Variants in TYRO3 observed in about 807,000 individuals in gnomAD.
TYRO3 encodes the protein tyrosine-protein kinase receptor TYRO3.
Under a neutral mutation model 95.2 loss-of-function variants are expected in TYRO3, and 38 were observed. That is an observed-to-expected ratio of 0.40 (90% CI 0.31 to 0.52). The LOEUF is 0.52. Among genes scored for constraint, TYRO3 ranks in the 20% least tolerant of loss-of-function variants. The pLI is 0.56. For synonymous variants in TYRO3, 367 were observed against 432.9 expected (o/e 0.85, Z 1.89); for missense variants, 812 against 1,116.4 (o/e 0.73, Z 3.89).
Position 41,567,504 on chromosome 15 carries a change from G to T in TYRO3, c.928G>T (p.Ala310Ser). The T allele has an allele frequency of 6.3e-7, 1 of 1,591,970 alleles. No individual in the cohort carries two copies. Among genetic ancestry groups the T allele is most frequent in the East Asian group, 2.3e-5 (1 of 42,728 alleles). ...CANALGPSPY[A>S]DWVPFQTKGL... ...CAATGCCTTGGGGCCCTCTCCCTAT[G>T]CTGACTGGGTGCCCTTTCAGACCAA... Residue 310 changes from alanine (A) to serine (S), a missense_variant, in exon 7 of 19, where the codon GCT becomes TCT. Transcript: ENST00000263798.
rs555137583 is a variant in TYRO3 at position 41,578,565 on chromosome 15, A to T, written c.*289A>T. 1.2e-5 allele frequency: 6 copies of T among 483,634 alleles called. No homozygotes were observed. Among genetic ancestry groups the T allele is most frequent in the Non-Finnish European group, 2.2e-5 (6 of 270,938 alleles). 30.0% of individuals were successfully genotyped at this position (483,634 alleles called of 1,614,324 possible). ...GCAGGAGTGGGGTGGTTATGTTTCC[A>T]TGGTTACCATGGGTGTGGATGGCAG... On this transcript the variant is annotated 3_prime_UTR_variant, in exon 19 of 19. Coordinates refer to ENST00000263798, the MANE Select transcript of TYRO3 (RefSeq NM_006293.4).
chr15:41,567,301 C>T (rs17676332), intron 6 of TYRO3, 59 bp from the exon 7 acceptor site: 382,767 of 1,379,364 alleles, frequency 0.28, 56,399 homozygotes, highest in Middle Eastern at 0.34. Context: ...CTATACCCAT[C>T]CCATCTTCCA....
At chr15:41,575,019 C>A (rs973807990) in intron 18 of TYRO3, among the ~76,000 whole-genome samples, 2 of 152,216 alleles carry the variant, frequency 1.3e-5, no homozygotes, top group African/African-American at 4.8e-5. Context: ...ACGCCCAGCC[C>A]AGAGGACCTT....
chr15:41,562,601 C>T lies in TYRO3; in HGVS notation c.463C>T (p.Pro155Ser), dbSNP rs915568452. The T allele has an allele frequency of 1.2e-6, 2 of 1,613,712 alleles. No homozygotes were observed. Among genetic ancestry groups the T allele is most frequent in the Non-Finnish European group, 1.7e-6 (2 of 1,180,052 alleles). Residue 155 changes from proline to serine, a missense_variant, in exon 4 of 19, where the codon CCT becomes TCT. Pro to Ser is a moderately conservative substitution (Grantham distance 74, BLOSUM62 -1). Coordinates refer to ENST00000263798, the MANE Select transcript of TYRO3 (RefSeq NM_006293.4). ...AGATCTGGCAGTGCCACCCAATGCC[C>T]CTTTCCAACTGTCTTGTGAGGCTGT... Reference protein sequence around the residue: ...PKDLAVPPNAPFQLSCEAVGP... With the variant: ...PKDLAVPPNASFQLSCEAVGP...
rs527871271 is a variant in TYRO3 at position 41,581,314 on chromosome 15, C to G, written c.*3038C>G. 1 of 153,686 alleles carries G rather than the reference C, an allele frequency of 6.5e-6. No homozygotes were observed. Among genetic ancestry groups the G allele is most frequent in the South Asian group, 2.1e-4 (1 of 4,820 alleles). The allele number at this position is 153,686 out of a possible 1,614,324, so 9.5% of individuals were successfully genotyped here. ...ACTGGGAGGGCCCACAGGTATTGTG[C>G]TGCTTCTGGCTGAGGGCAGGGGAAT... On this transcript the variant is annotated 3_prime_UTR_variant, in exon 19 of 19. Transcript: ENST00000263798.
chr15:41,571,614 C>A lies in TYRO3; in HGVS notation c.1680C>A (p.Ser560Arg). 2 of 1,613,048 alleles carry A rather than the reference C, an allele frequency of 1.2e-6. No homozygotes were observed. Among genetic ancestry groups the A allele is most frequent in the South Asian group, 1.1e-5 (1 of 91,018 alleles). The change falls in exon 14 of 19, where the codon AGC (serine) becomes AGA (arginine). Residue 560 changes from serine to arginine, a missense_variant. Transcript: ENST00000263798. ...KMLKADIIAS[S>R]DIEEFLREAA... is the part of the protein sequence containing the mutation. ...TCCTAGCTGACATCATTGCCTCAAGCGACATTGAAGAGTTCCTCAGGGAAG... is the reference window on the plus strand; with the variant it reads ...TCCTAGCTGACATCATTGCCTCAAGAGACATTGAAGAGTTCCTCAGGGAAG...
intron 8 of TYRO3, 56 bp downstream of exon 8, chr15:41,568,418 C>G: frequency 6.6e-7 from 1 of 1,526,172 alleles, no homozygotes; most frequent in African/African-American, 1.4e-5. Context: ...CTTCAGGGTT[C>G]TAAGGCCTTT....
At position 41,581,856 on chromosome 15, in the gene TYRO3, G is replaced by T. The variant is rs948029489; in HGVS notation, c.*3580G>T. On this transcript the variant is annotated 3_prime_UTR_variant, in exon 19 of 19. Coordinates refer to ENST00000263798, the MANE Select transcript of TYRO3 (RefSeq NM_006293.4). ...AAAAAAAAAAAAAAAAAGAGGCCAG[G>T]CATGGTGGCTCACGCCTATAATCCC... 1 of 147,648 alleles carries T rather than the reference G, an allele frequency of 6.8e-6. No homozygotes were observed. The highest frequency in any genetic ancestry group is 1.5e-5 in the Non-Finnish European group (1 of 67,096). 9.1% of individuals were successfully genotyped at this position (147,648 alleles called of 1,614,324 possible). A position where few individuals can be genotyped will look rare whatever the true frequency, so the allele number is the denominator to read the frequency against.
chr15:41,568,106 T>C lies in TYRO3; in HGVS notation c.962-111T>C, dbSNP rs1448522458. Reference sequence around the variant, plus strand: ...AGCTGGGAGGTGAACCCTTCCCCAGTTTGTGCCTCTCAGAGCTGTTTAGTT... The same window carrying C: ...AGCTGGGAGGTGAACCCTTCCCCAGCTTGTGCCTCTCAGAGCTGTTTAGTT... On this transcript the variant is annotated intron_variant, in intron 7 of 18. Transcript: ENST00000263798. 10 of 1,429,656 alleles carry C rather than the reference T, an allele frequency of 7.0e-6. No homozygotes were observed. The Admixed American group carries it at 1.9e-4, about 27-fold the overall frequency. The allele number at this position is 1,429,656 out of a possible 1,614,324, so 88.6% of individuals were successfully genotyped here. A position where few individuals can be genotyped will look rare whatever the true frequency, so the allele number is the denominator to read the frequency against.
chr15:41,568,748 C>G (rs2055756644), intron 8 of TYRO3, 130 bp from the exon 9 acceptor site: 3 of 1,089,390 alleles, frequency 2.8e-6, no homozygotes, highest in Non-Finnish European at 2.6e-6. Flanking sequence ...AGGTTGTGTT[C>G]CTGCAGCCCC....
Position 41,565,017 on chromosome 15 carries a change from C to G in TYRO3, c.668-9C>G. On this transcript the variant is annotated splice_polypyrimidine_tract_variant and intron_variant, in intron 5 of 18. Coordinates refer to ENST00000263798, the MANE Select transcript of TYRO3 (RefSeq NM_006293.4). Reference sequence around the variant, plus strand: ...CTACTGGGCACTGATTCTGAGTCCCCGTCCACAGCACTGCCTGCAGCCCCC... The same window carrying G: ...CTACTGGGCACTGATTCTGAGTCCCGGTCCACAGCACTGCCTGCAGCCCCC... 2.4e-6 allele frequency: 3 copies of G among 1,254,174 alleles called. No individual in the cohort carries two copies. Among genetic ancestry groups the G allele is most frequent in the Non-Finnish European group, 3.5e-6 (3 of 864,674 alleles). The allele number at this position is 1,254,174 out of a possible 1,614,324, so 77.7% of individuals were successfully genotyped here.
At position 41,561,324 on chromosome 15, in the gene TYRO3, G is replaced by C. The variant is rs75695147; in HGVS notation, c.308+14G>C. On this transcript the variant is annotated intron_variant, in intron 2 of 18. Transcript: ENST00000263798. The stretch of plus-strand genomic sequence containing the variant: ...CGGCTTCCTCAGGTGCAGGCCTGTG[G>C]GGGAAGGTGTGGGCTGCCAGCCAGG... The C allele has an allele frequency of 1.9e-6, 3 of 1,604,396 alleles. No homozygotes were observed. Among genetic ancestry groups the C allele is most frequent in the Non-Finnish European group, 2.6e-6 (3 of 1,173,954 alleles).
At position 41,571,684 on chromosome 15, in the gene TYRO3, G is replaced by C. The variant is rs2055798025; in HGVS notation, c.1750G>C (p.Val584Leu). 2 of 1,603,472 alleles carry C rather than the reference G, an allele frequency of 1.2e-6. No homozygotes were observed. The highest frequency in any genetic ancestry group is 4.5e-5 in the East Asian group (2 of 44,694). ...EFDHPHVAKL[V>L]GVSLRSRAKG... ...TGACCATCCACACGTGGCCAAACTT[G>C]TTGGTGAGCCCATTTTTGGGGGAGG... The change falls in exon 14 of 19, where the codon GTT becomes CTT. Residue 584 changes from valine (V) to leucine (L), a missense_variant. Transcript: ENST00000263798.
chr15:41,577,183 G>T (rs1441496248), intron 18 of TYRO3, among the ~76,000 whole-genome samples: 1 of 152,098 alleles, frequency 6.6e-6, no homozygotes, highest in African/African-American at 2.4e-5. Flanking sequence ...AATAAGCTAG[G>T]ATGTGCCTGT....
intron 3 of TYRO3, chr15:41,562,331 CAAAAAAAAA>C: frequency 1.4e-4 from 24 of 171,906 alleles, no homozygotes; most frequent in South Asian, 1.2e-3. Context: ...CGACCAATCT[CAAAAAAAAA>C]AAAAAAAAAA....
intron 4 of TYRO3, 25 bp downstream of exon 4, chr15:41,562,743 G>A (rs759420052): frequency 6.3e-7 from 1 of 1,588,352 alleles, no homozygotes; most frequent in Admixed American, 1.8e-5. Flanking sequence ...AAGGGGGCTG[G>A]GAGTGGAGAA....
intron 6 of TYRO3, 109 bp from the exon 7 acceptor site, chr15:41,567,251 T>C: frequency 1.0e-6 from 1 of 969,692 alleles, no homozygotes; most frequent in Non-Finnish European, 1.4e-6. Context: ...GGGTTGCAAG[T>C]GTTTGCTGAT....
chr15:41,570,410 T>A, intron 11 of TYRO3, 70 bp downstream of exon 11: 1 of 1,548,988 alleles, frequency 6.5e-7, no homozygotes, highest in Non-Finnish European at 8.9e-7. Context: ...TTTTACCAAA[T>A]TATTAATTTG....
chr15:41,564,962 C>A, intron 5 of TYRO3, 64 bp from the exon 6 acceptor site: 1 of 1,112,774 alleles, frequency 9.0e-7, no homozygotes, highest in Non-Finnish European at 1.3e-6. Flanking sequence ...GGCTTGACTC[C>A]CATGCCTCCT....
Sources: gnomAD v4.1 joint callset for allele counts (sites outside exome capture counted in the v4.1 genomes callset) on GRCh38, gnomAD v4.1.1 for gene constraint, MANE v1.5 for transcripts, NCBI Gene and HGNC (gene_info 2026-07-23, HGNC 2026-07-21) for gene names.